ANK3: variants seen among roughly 807,000 people sequenced by gnomAD.
ANK3 encodes the protein ankyrin 3, also known as ankyrin-3.
A neutral mutation model predicts 370.9 loss-of-function variants in ANK3; 57 were observed. The ratio of observed to expected loss-of-function variants is 0.15; its 90% CI spans 0.12 to 0.19. ANK3 has a LOEUF of 0.19. Among genes scored for constraint, ANK3 ranks in the 10% least tolerant of loss-of-function variants. The pLI is 1.00. For missense variants in ANK3, 4,439 were observed against 5,302.1 expected, an observed-to-expected ratio of 0.84 and a Z score of 5.06; for synonymous variants, 1,929 against 1,946.3, an observed-to-expected ratio of 0.99 and a Z score of 0.23.
At position 60,294,120 on chromosome 10, in the gene ANK3, G is replaced by A. The variant is rs577935986; in HGVS notation, c.115-14481C>T. Among the ~76,000 whole-genome samples, 7 of 152,022 alleles carry A rather than the reference G, an allele frequency of 4.6e-5. No individual in the cohort carries two copies. In the South Asian group the frequency reaches 1.2e-3, roughly 27 times the overall value. ...CTAAAACTGGTCTAGGTAGCAGAGAGAAGAGAAAGTATTTGAATAGATGAA... is the reference window on the plus strand; with the variant it reads ...CTAAAACTGGTCTAGGTAGCAGAGAAAAGAGAAAGTATTTGAATAGATGAA... On this transcript the variant is annotated intron_variant, in intron 1 of 43. Transcript: ENST00000280772.
At chr10:60,481,993 T>C (rs2075231979) in intron 2 of ANK3, among the ~76,000 whole-genome samples, 1 of 152,318 alleles carries the variant, frequency 6.6e-6, no homozygotes, top group Middle Eastern at 3.4e-3. Context: ...TATGAAATCC[T>C]GGCATCGCTC....
chr10:60,639,012 T>C (rs1429321089), intron 1 of ANK3, among the ~76,000 whole-genome samples: 1 of 151,950 alleles, frequency 6.6e-6, no homozygotes, highest in African/African-American at 2.4e-5. Flanking sequence ...GCCTATAGAT[T>C]TTAGAAGTTC....
chr10:60,550,618 CAT>C (rs1468876490), intron 2 of ANK3, among the ~76,000 whole-genome samples: 5 of 151,832 alleles, frequency 3.3e-5, no homozygotes, highest in African/African-American at 1.2e-4. Context: ...CTCTAAAAAA[CAT>C]AAAACAAAAT....
In ANK3 at chr10:60,074,982, A is replaced by G; in HGVS notation, c.5899T>C (p.Cys1967Arg). 1 of 1,614,080 alleles carries G rather than the reference A, an allele frequency of 6.2e-7. No individual in the cohort carries two copies. ...TTGGGTGATCCTTTATTATCTACAC[A>G]TACATCCTTTTTAAGGATTTCACTA... is the stretch of plus-strand genomic sequence containing the variant. ...KVSEILKKDV[C>R]VDNKGSPKSP... The change falls in exon 37 of 44, where the codon TGT (cysteine) becomes CGT (arginine). Residue 1967 changes from cysteine to arginine, a missense_variant. Around this residue, in one of 13 missense-constraint regions of ANK3, gnomAD observed 679 missense variants for 791.0 expected, o/e 0.86. Coordinates refer to ENST00000280772, the MANE Select transcript of ANK3 (RefSeq NM_020987.5).
chr10:60,680,517 G>A (rs1451646523), intron 1 of ANK3, among the ~76,000 whole-genome samples: 1 of 152,124 alleles, frequency 6.6e-6, no homozygotes, highest in Non-Finnish European at 1.5e-5. Context: ...CAGTCTCCTG[G>A]GAATGGTTCT....
intron 28 of ANK3, among the ~76,000 whole-genome samples, chr10:60,103,650 A>G (rs564880201): frequency 2.6e-5 from 4 of 152,322 alleles, no homozygotes; most frequent in African/African-American, 9.6e-5. Context: ...CTTCATTACT[A>G]TTAAGTTTAA....
chr10:60,186,943 C>T (rs1260565712), intron 16 of ANK3, 31 bp from the exon 17 acceptor site: 10 of 1,603,046 alleles, frequency 6.2e-6, no homozygotes, highest in African/African-American at 2.7e-5. Flanking sequence ...GTCACATGCC[C>T]AGGAACAAGA....
At chr10:60,138,663 T>TCC in intron 24 of ANK3, 1 of 471,870 alleles carries the variant, frequency 2.1e-6, no homozygotes, top group Non-Finnish European at 3.7e-6. Context: ...AATATGTGAC[T>TCC]CAGATTGGTT....
At chr10:60,490,304 A>G (rs1168532904) in intron 2 of ANK3, among the ~76,000 whole-genome samples, 1 of 152,192 alleles carries the variant, frequency 6.6e-6, no homozygotes, top group Non-Finnish European at 1.5e-5. Context: ...GTCCTACTGA[A>G]CCAGAAACTC....
At chr10:60,105,394 A>G (rs760297932) in intron 28 of ANK3, among the ~76,000 whole-genome samples, 14 of 152,326 alleles carry the variant, frequency 9.2e-5, no homozygotes, top group Admixed American at 3.9e-4. Context: ...AGAATGAGAC[A>G]TTGAAACAAC....
At chr10:60,475,953 A>G (rs1567073977) in intron 2 of ANK3, among the ~76,000 whole-genome samples, 1 of 152,262 alleles carries the variant, frequency 6.6e-6, no homozygotes, top group African/African-American at 2.4e-5. Context: ...CAAAAAGATC[A>G]TCTCTAACCA....
chr10:60,566,611 A>T (rs1226448945), intron 2 of ANK3, among the ~76,000 whole-genome samples: 2 of 152,198 alleles, frequency 1.3e-5, no homozygotes, highest in Non-Finnish European at 2.9e-5. Flanking sequence ...TGGAGCTCAC[A>T]CCTGTAATTC....
At chr10:60,055,045 A>G (rs1454053724) in intron 42 of ANK3, among the ~76,000 whole-genome samples, 3 of 152,246 alleles carry the variant, frequency 2.0e-5, no homozygotes, top group Admixed American at 2.0e-4. Context: ...TAAAGTGATT[A>G]GAAATACATG....
intron 42 of ANK3, chr10:60,043,811 T>A (rs1380349769): frequency 2.4e-5 from 24 of 985,128 alleles, no homozygotes; most frequent in Non-Finnish European, 2.8e-5. Flanking sequence ...ATCTTCTTTC[T>A]CCCTCAAACT....
chr10:60,678,395 T>C lies in ANK3; in HGVS notation c.57+54868A>G, dbSNP rs79437025. ...GTTTCAAAACATTGGGTCAGGGGAA[T>C]AAAAATAAGAGAGTTTGGCATAGCT... On this transcript the variant is annotated intron_variant, in intron 1 of 43. Transcript: ENST00000373827. 6.6e-3 allele frequency among the ~76,000 whole-genome samples: 1,002 copies of C among 152,150 alleles called. 10 individuals are homozygous for C. Among genetic ancestry groups the C allele is most frequent in the African/African-American group, 0.023 (952 of 41,484 alleles).
chr10:60,065,449 A>G (rs2131951334), intron 38 of ANK3, among the ~76,000 whole-genome samples: 1 of 152,348 alleles, frequency 6.6e-6, no homozygotes, highest in Admixed American at 6.5e-5. Context: ...TATCCCCCTT[A>G]CAAAATACTT....
At chr10:60,393,305 T>C (rs1006021581), upstream of ANK3, among the ~76,000 whole-genome samples, 5 of 152,294 alleles carry the variant, frequency 3.3e-5, no homozygotes, top group East Asian at 9.7e-4. Context: ...AGTCTCAGTG[T>C]TTTCCCTGCT....
At chr10:60,226,909 G>C (rs189005449) in intron 8 of ANK3, among the ~76,000 whole-genome samples, 10 of 151,032 alleles carry the variant, frequency 6.6e-5, no homozygotes, top group Non-Finnish European at 1.2e-4. Flanking sequence ...CCTCACAATA[G>C]ATTGATATTT....
intron 8 of ANK3, among the ~76,000 whole-genome samples, chr10:60,217,197 A>T (rs955312303): frequency 1.7e-4 from 26 of 150,894 alleles, no homozygotes; most frequent in Non-Finnish European, 3.3e-4. Context: ...CATATTGTTA[A>T]TTTTTTCAAA....
Sources: allele counts gnomAD v4.1 joint callset (sites outside exome capture counted in the v4.1 genomes callset), GRCh38; gene constraint gnomAD v4.1.1; regional missense constraint gnomAD v4.1.1; transcripts MANE v1.5; gene names NCBI Gene and HGNC (gene_info 2026-07-23, HGNC 2026-07-21).